Variants in PRKG1 observed in about 807,000 individuals in gnomAD.
PRKG1 encodes the protein protein kinase cGMP-dependent 1, also known as cGMP-dependent protein kinase 1.
A neutral mutation model predicts 88.1 loss-of-function variants in PRKG1; 35 were observed. The ratio of observed to expected loss-of-function variants is 0.40; its 90% CI spans 0.30 to 0.53. The LOEUF is 0.53. Ranked by LOEUF, PRKG1 falls within the 20% of genes least tolerant of loss-of-function variation. The probability of loss-of-function intolerance (pLI) is 0.59; values close to 1 mark genes in which losing one functional copy is unlikely to be tolerated. For missense variants in PRKG1, 540 were observed against 839.8 expected (o/e 0.64, Z 4.41); for synonymous variants, 303 against 292.5 (o/e 1.04, Z -0.37).
chr10:52,147,239 A>G (rs375584415), intron 8 of PRKG1, among the ~76,000 whole-genome samples: 8 of 152,238 alleles, frequency 5.3e-5, no homozygotes, highest in African/African-American at 1.9e-4. Context: ...TATCCAAGTA[A>G]TAACTTACAT....
chr10:51,680,833 G>A (rs984442946), intron 3 of PRKG1, among the ~76,000 whole-genome samples: 1 of 152,276 alleles, frequency 6.6e-6, no homozygotes, highest in Admixed American at 6.5e-5. Context: ...ATCCGTTCTG[G>A]TTTTGCTGAA....
At position 51,860,515 on chromosome 10, in the gene PRKG1, G is replaced by A. The variant is rs149518022; in HGVS notation, c.699-46992G>A. Among the ~76,000 whole-genome samples the A allele has an allele frequency of 4.7e-4, 71 of 152,276 alleles. No homozygotes were observed. In the East Asian group the frequency reaches 0.013, roughly 27 times the overall value. The stretch of plus-strand genomic sequence containing the variant: ...CATGGCCATACCCAGTTTCCAAACA[G>A]GGTGGGGGAGTACTGTGCTCCCGTT... On this transcript the variant is annotated intron_variant, in intron 4 of 17. Coordinates refer to ENST00000373980, the MANE Select transcript of PRKG1 (RefSeq NM_006258.4).
At chr10:51,454,928 G>C (rs1252536957) in intron 2 of PRKG1, among the ~76,000 whole-genome samples, 2 of 152,160 alleles carry the variant, frequency 1.3e-5, no homozygotes, top group Non-Finnish European at 2.9e-5. Flanking sequence ...AACCAGTCAT[G>C]CCTTCTCAAC....
intron 3 of PRKG1, among the ~76,000 whole-genome samples, chr10:51,470,092 A>T (rs1232058335): frequency 6.6e-6 from 1 of 151,810 alleles, no homozygotes. Context: ...TGGATATGTT[A>T]TGATTCTAAT....
At chr10:51,733,915 A>G (rs1837188726) in intron 3 of PRKG1, among the ~76,000 whole-genome samples, 1 of 152,178 alleles carries the variant, frequency 6.6e-6, no homozygotes, top group Admixed American at 6.5e-5. Context: ...GTTAAAAAAT[A>G]TAAAATTTTA....
chr10:51,531,159 T>C (rs1430157996), intron 3 of PRKG1, among the ~76,000 whole-genome samples: 1 of 152,232 alleles, frequency 6.6e-6, no homozygotes, highest in Non-Finnish European at 1.5e-5. Context: ...CAATTACTGC[T>C]GTTGAGCATC....
chr10:51,179,452 G>A (rs1032222716), intron 2 of PRKG1, among the ~76,000 whole-genome samples: 7 of 152,144 alleles, frequency 4.6e-5, no homozygotes, highest in African/African-American at 9.7e-5. Context: ...GTACATATTC[G>A]TTTAAAGTGG....
chr10:51,496,854 G>A (rs1484777308), intron 3 of PRKG1, among the ~76,000 whole-genome samples: 4 of 152,156 alleles, frequency 2.6e-5, no homozygotes, highest in Non-Finnish European at 4.4e-5. Context: ...GAGTTGTCTT[G>A]TCATAACAAA....
intron 2 of PRKG1, among the ~76,000 whole-genome samples, chr10:51,357,158 T>C (rs1164547867): frequency 6.6e-6 from 1 of 151,982 alleles, no homozygotes; most frequent in African/African-American, 2.4e-5. Context: ...TAGACATACA[T>C]GGCAGCAGGT....
At chr10:51,277,303 T>A (rs1233477959) in intron 2 of PRKG1, among the ~76,000 whole-genome samples, 2 of 152,206 alleles carry the variant, frequency 1.3e-5, no homozygotes, top group African/African-American at 4.8e-5. Context: ...AGGGCTGTGT[T>A]CTGTTCCATT....
intron 2 of PRKG1, among the ~76,000 whole-genome samples, chr10:51,354,325 C>T (rs1273235842): frequency 6.6e-6 from 1 of 151,976 alleles, no homozygotes; most frequent in Non-Finnish European, 1.5e-5. Context: ...ATTGCTTGTA[C>T]CCCACAAAGG....
intron 2 of PRKG1, among the ~76,000 whole-genome samples, chr10:51,324,727 C>T (rs1002502966): frequency 1.3e-5 from 2 of 151,918 alleles, no homozygotes; most frequent in Non-Finnish European, 2.9e-5. Flanking sequence ...GGCGACTGAG[C>T]GAGACTCCGT....
intron 2 of PRKG1, among the ~76,000 whole-genome samples, chr10:51,260,536 A>C (rs1175743444): frequency 2.0e-5 from 3 of 152,220 alleles, no homozygotes; most frequent in African/African-American, 7.2e-5. Flanking sequence ...CTAGACTAGC[A>C]CTAATGACTG....
At chr10:52,094,289 C>T (rs551993472) in intron 7 of PRKG1, among the ~76,000 whole-genome samples, 91 of 152,176 alleles carry the variant, frequency 6.0e-4, no homozygotes, top group Middle Eastern at 3.4e-3. Flanking sequence ...TTAGTTCATA[C>T]GTTTTCATTC....
At chr10:52,025,173 GGTT>G (rs1845303201) in intron 5 of PRKG1, among the ~76,000 whole-genome samples, 1 of 152,030 alleles carries the variant, frequency 6.6e-6, no homozygotes, top group African/African-American at 2.4e-5. Context: ...TTTTTGATGG[GGTT>G]GTTTTTTTCT....
In PRKG1 at chr10:51,434,153, T is replaced by C. The variant is rs542764418; in HGVS notation, c.479-33570T>C. On this transcript the variant is annotated intron_variant, in intron 2 of 17. Coordinates refer to ENST00000373980, the MANE Select transcript of PRKG1 (RefSeq NM_006258.4). ...AGTTTTGCAGCTGGTGCCTGGCTGC[T>C]GAAATTCACAGCCATAGCAGAGTGT... 5.9e-5 allele frequency among the ~76,000 whole-genome samples: 9 copies of C among 152,194 alleles called. No homozygotes were observed. The South Asian group carries it at 1.9e-3, about 32-fold the overall frequency.
At chr10:51,347,463 T>C (rs1444165599) in intron 2 of PRKG1, among the ~76,000 whole-genome samples, 1 of 152,168 alleles carries the variant, frequency 6.6e-6, no homozygotes, top group Non-Finnish European at 1.5e-5. Flanking sequence ...TAACTTGATC[T>C]TATGAATGAA....
chr10:52,038,585 TCC>T (rs1256718761), intron 5 of PRKG1, among the ~76,000 whole-genome samples: 3 of 151,692 alleles, frequency 2.0e-5, no homozygotes, highest in African/African-American at 4.8e-5. Flanking sequence ...TACTTGCCCC[TCC>T]CCCAGAAAAG....
intron 3 of PRKG1, among the ~76,000 whole-genome samples, chr10:51,797,363 G>A (rs1309274435): frequency 6.9e-6 from 1 of 144,474 alleles, no homozygotes; most frequent in Non-Finnish European, 1.5e-5. Context: ...ATATATAAGA[G>A]AATATATAAT....
Sources: gnomAD v4.1 joint callset for allele counts (sites outside exome capture counted in the v4.1 genomes callset) on GRCh38, gnomAD v4.1.1 for gene constraint, MANE v1.5 for transcripts, NCBI Gene and HGNC (gene_info 2026-07-23, HGNC 2026-07-21) for gene names.